The following DLC1 variants were observed in gnomAD, a reference collection of about 807,000 sequenced individuals.
The protein encoded by DLC1 is rho GTPase-activating protein 7.
DLC1 carries 54 observed loss-of-function variants against 140.3 expected under a neutral mutation model. That is an observed-to-expected ratio of 0.38 (90% CI 0.31 to 0.48). The LOEUF is 0.48. Among genes scored for constraint, DLC1 ranks in the 20% least tolerant of loss-of-function variants. The probability of loss-of-function intolerance (pLI) is 0.96; values close to 1 mark genes in which losing one functional copy is unlikely to be tolerated. For missense variants in DLC1, 2,536 were observed against 1,907.0 expected (o/e 1.33, Z -6.14); for synonymous variants, 986 against 728.1 (o/e 1.35, Z -5.70).
At chr8:13,439,400 T>C (rs1372862220) in intron 2 of DLC1, among the ~76,000 whole-genome samples, 1 of 152,072 alleles carries the variant, frequency 6.6e-6, no homozygotes, top group Non-Finnish European at 1.5e-5. Flanking sequence ...ACCTCTGCCA[T>C]GTAAGTGAGG....
chr8:13,544,760 C>T (rs1389197125), intron 1 of DLC1, among the ~76,000 whole-genome samples: 1 of 152,168 alleles, frequency 6.6e-6, no homozygotes, highest in African/African-American at 2.4e-5. Flanking sequence ...CACAACTGTC[C>T]ATTAAAAAAG....
chr8:13,581,132 A>T (rs1805082280), intron 1 of DLC1, among the ~76,000 whole-genome samples: 1 of 152,242 alleles, frequency 6.6e-6, no homozygotes, highest in Non-Finnish European at 1.5e-5. Context: ...GAATTAAGAC[A>T]TCTGCATGCC....
intron 5 of DLC1, among the ~76,000 whole-genome samples, chr8:13,140,081 C>G (rs1163865736): frequency 2.0e-5 from 3 of 152,252 alleles, no homozygotes; most frequent in East Asian, 1.9e-4. Flanking sequence ...CCCCTGGTAA[C>G]CATTATTTCA....
chr8:13,538,837 G>A (rs564524199), intron 1 of DLC1, among the ~76,000 whole-genome samples: 96 of 152,318 alleles, frequency 6.3e-4, no homozygotes, highest in South Asian at 2.1e-3. Flanking sequence ...ATTGCTTGAA[G>A]AAATAGTCCT....
intron 2 of DLC1, among the ~76,000 whole-genome samples, chr8:13,437,410 C>G (rs979696038): frequency 5.9e-5 from 9 of 152,182 alleles, no homozygotes; most frequent in African/African-American, 2.2e-4. Flanking sequence ...TTTCGAAAGT[C>G]AAAATATGTC....
intron 2 of DLC1, among the ~76,000 whole-genome samples, chr8:13,427,083 G>C (rs752785409): frequency 6.6e-6 from 1 of 151,900 alleles, no homozygotes; most frequent in Non-Finnish European, 1.5e-5. Context: ...GTTTTGTTTT[G>C]TCATTTTAGA....
At chr8:13,508,930 T>G (rs561884285) in intron 1 of DLC1, among the ~76,000 whole-genome samples, 1 of 152,210 alleles carries the variant, frequency 6.6e-6, no homozygotes, top group African/African-American at 2.4e-5. Flanking sequence ...TAGAACCTCT[T>G]ACAATAAAGA....
chr8:13,552,772 A>G (rs938541665), intron 1 of DLC1, among the ~76,000 whole-genome samples: 26 of 151,926 alleles, frequency 1.7e-4, no homozygotes, highest in African/African-American at 6.3e-4. Context: ...GTATTTTTTT[A>G]TTTTTTGAAA....
At chr8:13,218,483 A>G (rs910896556) in intron 5 of DLC1, among the ~76,000 whole-genome samples, 7 of 152,000 alleles carry the variant, frequency 4.6e-5, no homozygotes, top group African/African-American at 1.4e-4. Context: ...ATCAGTAGAC[A>G]TTTTCCAAAG....
chr8:13,213,937 C>T (rs1374798811), intron 5 of DLC1, among the ~76,000 whole-genome samples: 1 of 152,038 alleles, frequency 6.6e-6, no homozygotes, highest in Non-Finnish European at 1.5e-5. Flanking sequence ...GCGACTCCCA[C>T]CATGCCTGGC....
In DLC1 at chr8:13,086,557, C is replaced by T. The variant is rs576958189; in HGVS notation, c.4293-94G>A. Reference sequence around the variant, plus strand: ...CTCTTCACTATTTGCAGTGTGGTGACGGGTCAGGCTCAGTGGCCATGCTGT... The same window carrying T: ...CTCTTCACTATTTGCAGTGTGGTGATGGGTCAGGCTCAGTGGCCATGCTGT... On this transcript the variant is annotated intron_variant, in intron 16 of 17. Coordinates refer to ENST00000276297, the MANE Select transcript of DLC1 (RefSeq NM_182643.3). 5.0e-4 allele frequency: 733 copies of T among 1,453,774 alleles called. 10 individuals carry two copies. In the South Asian group the frequency reaches 6.2e-3, roughly 12 times the overall value. The allele number at this position is 1,453,774 out of a possible 1,614,324, so 90.1% of individuals were successfully genotyped here.
chr8:13,564,596 C>G (rs990670409), intron 1 of DLC1, among the ~76,000 whole-genome samples: 5 of 152,168 alleles, frequency 3.3e-5, no homozygotes, highest in African/African-American at 1.2e-4. Flanking sequence ...TTTATGATAT[C>G]TGGGGGGAGA....
intron 4 of DLC1, chr8:13,353,382 A>C (rs952834909): frequency 6.6e-6 from 1 of 152,234 alleles, no homozygotes; most frequent in Admixed American, 6.5e-5. Context: ...TTGTGTTCTT[A>C]AAACAACAAC....
At chr8:13,391,853 A>G (rs1480855436) in intron 4 of DLC1, among the ~76,000 whole-genome samples, 2 of 151,766 alleles carry the variant, frequency 1.3e-5, no homozygotes, top group African/African-American at 4.8e-5. Flanking sequence ...AGTGAATTAA[A>G]TAATAAATAC....
At chr8:13,259,320 T>C (rs1003150301) in intron 5 of DLC1, among the ~76,000 whole-genome samples, 2 of 152,110 alleles carry the variant, frequency 1.3e-5, no homozygotes, top group Non-Finnish European at 2.9e-5. Flanking sequence ...TCCAGTGCTG[T>C]GAATCATAAT....
chr8:13,140,018 A>G (rs1335321098), intron 5 of DLC1, among the ~76,000 whole-genome samples: 2 of 152,140 alleles, frequency 1.3e-5, no homozygotes, highest in Non-Finnish European at 2.9e-5. Flanking sequence ...GAACTTTTTC[A>G]TCATCCCCAC....
chr8:13,297,019 G>T (rs994569868), intron 5 of DLC1, among the ~76,000 whole-genome samples: 1 of 151,790 alleles, frequency 6.6e-6, no homozygotes, highest in Non-Finnish European at 1.5e-5. Context: ...AACAGAAAAT[G>T]AAGAAATATT....
At chr8:13,228,530 G>C (rs951635551) in intron 5 of DLC1, among the ~76,000 whole-genome samples, 7 of 152,020 alleles carry the variant, frequency 4.6e-5, no homozygotes, top group African/African-American at 7.2e-5. Context: ...ATTGGGAGGA[G>C]TTTGAGACCA....
At chr8:13,342,518 G>C (rs760695088) in intron 4 of DLC1, 1 of 152,200 alleles carries the variant, frequency 6.6e-6, no homozygotes, top group Non-Finnish European at 1.5e-5. Flanking sequence ...TGTAATGCAG[G>C]TGAAACTCAT....
Sources: gnomAD v4.1 joint callset for allele counts (sites outside exome capture counted in the v4.1 genomes callset) on GRCh38, gnomAD v4.1.1 for gene constraint, MANE v1.5 for transcripts, NCBI Gene and HGNC (gene_info 2026-07-23, HGNC 2026-07-21) for gene names.